NELL1: variants seen among roughly 807,000 people sequenced by gnomAD.
NELL1 encodes neural EGFL like 1.
Under a neutral mutation model 107.4 loss-of-function variants are expected in NELL1, and 76 were observed. The ratio of observed to expected loss-of-function variants is 0.71; its 90% CI spans 0.59 to 0.86. NELL1 has a LOEUF of 0.86. NELL1 is among the 40% of genes least tolerant of loss of function. The probability of loss-of-function intolerance (pLI) is 0.00; values close to 1 mark genes in which losing one functional copy is unlikely to be tolerated. For synonymous variants in NELL1, 353 were observed against 341.2 expected, an observed-to-expected ratio of 1.03 and a Z score of -0.38; for missense variants, 1,024 against 1,005.5, an observed-to-expected ratio of 1.02 and a Z score of -0.25.
intron 14 of NELL1, among the ~76,000 whole-genome samples, chr11:21,303,515 T>A (rs1849543109): frequency 6.6e-6 from 1 of 151,850 alleles, no homozygotes; most frequent in Admixed American, 6.6e-5. Flanking sequence ...TGATTCCCTC[T>A]CCATGAGGAT....
At chr11:21,506,868 G>T (rs1337127540) in intron 15 of NELL1, among the ~76,000 whole-genome samples, 1 of 152,172 alleles carries the variant, frequency 6.6e-6, no homozygotes, top group Non-Finnish European at 1.5e-5. Context: ...TCCTAGAAGG[G>T]ACCTAGGAGT....
At chr11:21,497,239 T>C (rs1386599485) in intron 15 of NELL1, among the ~76,000 whole-genome samples, 1 of 151,804 alleles carries the variant, frequency 6.6e-6, no homozygotes, top group Non-Finnish European at 1.5e-5. Flanking sequence ...CACACCAACA[T>C]GGCACATGTA....
intron 3 of NELL1, among the ~76,000 whole-genome samples, chr11:20,799,835 T>C (rs1016950520): frequency 6.6e-6 from 1 of 152,184 alleles, no homozygotes; most frequent in Non-Finnish European, 1.5e-5. Context: ...AATAGGTAGT[T>C]TTTTTAGCCC....
At chr11:21,305,412 C>T (rs1590821172) in intron 14 of NELL1, among the ~76,000 whole-genome samples, 1 of 151,936 alleles carries the variant, frequency 6.6e-6, no homozygotes, top group East Asian at 1.9e-4. Context: ...TCTAAGGGTA[C>T]TTAGAGTATC....
intron 3 of NELL1, among the ~76,000 whole-genome samples, chr11:20,826,791 C>G (rs1005648751): frequency 5.3e-5 from 8 of 151,080 alleles, no homozygotes; most frequent in African/African-American, 9.7e-5. Flanking sequence ...CCTGATACAT[C>G]TTAAATTTGC....
chr11:21,021,014 C>A (rs989480928), intron 12 of NELL1, among the ~76,000 whole-genome samples: 2 of 139,402 alleles, frequency 1.4e-5, no homozygotes, highest in African/African-American at 2.8e-5. Flanking sequence ...AAACTTAGAA[C>A]ACACACACAC....
intron 15 of NELL1, among the ~76,000 whole-genome samples, chr11:21,513,888 C>A (rs1296278672): frequency 6.6e-6 from 1 of 152,102 alleles, no homozygotes; most frequent in Non-Finnish European, 1.5e-5. Flanking sequence ...GAGCCTGAGC[C>A]CCCCTGGTGA....
intron 10 of NELL1, among the ~76,000 whole-genome samples, chr11:20,941,845 G>A (rs1402210485): frequency 6.6e-6 from 1 of 152,146 alleles, no homozygotes; most frequent in Non-Finnish European, 1.5e-5. Context: ...GAATGCAAGA[G>A]TGAGGCACAG....
intron 12 of NELL1, among the ~76,000 whole-genome samples, chr11:21,108,806 G>C (rs181175967): frequency 2.5e-4 from 38 of 152,226 alleles, no homozygotes; most frequent in Middle Eastern, 6.8e-3. Context: ...GTGATGCACG[G>C]AGCAGAATTG....
intron 13 of NELL1, among the ~76,000 whole-genome samples, chr11:21,146,856 C>T (rs1855992218): frequency 6.6e-6 from 1 of 152,060 alleles, no homozygotes; most frequent in South Asian, 2.1e-4. Flanking sequence ...CCAGCCTGAC[C>T]AATATAGTGA....
intron 2 of NELL1, among the ~76,000 whole-genome samples, chr11:20,699,929 C>A (rs1299934233): frequency 6.6e-6 from 1 of 152,082 alleles, no homozygotes; most frequent in African/African-American, 2.4e-5. Flanking sequence ...TTTATCACAT[C>A]CATGCCAACA....
intron 14 of NELL1, among the ~76,000 whole-genome samples, chr11:21,336,035 T>C (rs1411168340): frequency 6.6e-6 from 1 of 152,136 alleles, no homozygotes; most frequent in Non-Finnish European, 1.5e-5. Flanking sequence ...AGGTACACTA[T>C]TCAATACATA....
chr11:21,113,643 T>C lies in NELL1; in HGVS notation c.1355T>C (p.Val452Ala), dbSNP rs1565066694. 6.2e-7 allele frequency: 1 copy of C among 1,612,412 alleles called. No homozygotes were observed. The highest frequency in any genetic ancestry group is 1.7e-5 in the Admixed American group (1 of 59,928). Residue 452 changes from valine (V) to alanine (A), a missense_variant, in exon 13 of 20, where the codon GTC becomes GCC. Coordinates refer to ENST00000357134, the MANE Select transcript of NELL1 (RefSeq NM_006157.5). ...TACTGTCATGCCAATACTGTGTGTG[T>C]CAACCTTCCTGGGTTATATCGCTGT... The part of the protein sequence containing the change: ...MHYCHANTVC[V>A]NLPGLYRCDC...
intron 16 of NELL1, among the ~76,000 whole-genome samples, chr11:21,554,523 AT>A (rs1856661386): frequency 6.6e-6 from 1 of 151,776 alleles, no homozygotes; most frequent in African/African-American, 2.4e-5. Flanking sequence ...GGTGGTACAG[AT>A]TTGAGTATAT....
intron 4 of NELL1, among the ~76,000 whole-genome samples, chr11:20,860,204 T>C (rs1466800712): frequency 2.6e-5 from 4 of 152,226 alleles, no homozygotes; most frequent in East Asian, 1.9e-4. Context: ...CTCTTGTGTT[T>C]TACACTTTTA....
chr11:20,679,643 T>C (rs1854143653), intron 2 of NELL1, among the ~76,000 whole-genome samples: 1 of 152,170 alleles, frequency 6.6e-6, no homozygotes, highest in South Asian at 2.1e-4. Context: ...CCAGTCACTG[T>C]TGAGAGTCCA....
chr11:20,979,616 T>C (rs993637486), intron 12 of NELL1, among the ~76,000 whole-genome samples: 3 of 152,330 alleles, frequency 2.0e-5, no homozygotes, highest in Admixed American at 2.0e-4. Flanking sequence ...AATTTTTGAG[T>C]ATCTGAGGAG....
chr11:21,083,179 GTAAAAAATAT>G (rs1428857860), intron 12 of NELL1, among the ~76,000 whole-genome samples: 1 of 152,090 alleles, frequency 6.6e-6, no homozygotes, highest in Non-Finnish European at 1.5e-5. Flanking sequence ...CCATTGGTAG[GTAAAAAATAT>G]CAAAGGTGTC....
intron 2 of NELL1, among the ~76,000 whole-genome samples, chr11:20,728,621 A>G (rs1234304348): frequency 6.6e-6 from 1 of 150,966 alleles, no homozygotes; most frequent in African/African-American, 2.4e-5. Flanking sequence ...AGATGGCTGT[A>G]GATTTGTGGC....
Sources: allele counts gnomAD v4.1 joint callset (sites outside exome capture counted in the v4.1 genomes callset), GRCh38; gene constraint gnomAD v4.1.1; transcripts MANE v1.5; gene names NCBI Gene and HGNC (gene_info 2026-07-23, HGNC 2026-07-21).